The following FLNB variants were observed in gnomAD, a reference collection of about 807,000 sequenced individuals.
FLNB encodes the protein filamin B.
Under a neutral mutation model 250.6 loss-of-function variants are expected in FLNB, and 111 were observed. The observed-to-expected ratio is 0.44, with a 90% confidence interval of 0.38 to 0.52. The LOEUF (loss-of-function observed/expected upper bound fraction) is 0.52, where lower values mean the gene tolerates loss of function less well. Among genes scored for constraint, FLNB ranks in the 20% least tolerant of loss-of-function variants. The pLI is 0.00. For missense variants in FLNB, 2,869 were observed against 3,447.8 expected (o/e 0.83, Z 4.20); for synonymous variants, 1,302 against 1,372.1 (o/e 0.95, Z 1.13).
rs1576744741 is a variant in FLNB at position 58,115,382 on chromosome 3, T to C, written c.2745+3064T>C. Among the ~76,000 whole-genome samples, 3 of 152,376 alleles carry C rather than the reference T, an allele frequency of 2.0e-5. No homozygotes were observed. In the East Asian group the frequency reaches 5.8e-4, roughly 29 times the overall value. On this transcript the variant is annotated intron_variant, in intron 18 of 45. Coordinates refer to ENST00000295956, the MANE Select transcript of FLNB (RefSeq NM_001457.4). Reference sequence around the variant, plus strand: ...ACATTTTGTGACTTCTGCTTTATTCTATGTCTATATGCCTTTTAGTGTTTT... The same window carrying C: ...ACATTTTGTGACTTCTGCTTTATTCCATGTCTATATGCCTTTTAGTGTTTT...
At chr3:58,086,093 T>A (rs1220216443) in intron 4 of FLNB, among the ~76,000 whole-genome samples, 1 of 152,020 alleles carries the variant, frequency 6.6e-6, no homozygotes, top group African/African-American at 2.4e-5. Context: ...CCTTCTGGGC[T>A]CAAGTGATTC....
intron 1 of FLNB, among the ~76,000 whole-genome samples, chr3:58,013,877 G>T (rs1576583790): frequency 6.6e-6 from 1 of 152,102 alleles, no homozygotes; most frequent in Non-Finnish European, 1.5e-5. Flanking sequence ...AACAAGTTGT[G>T]GGCCATGTAC....
At chr3:58,045,546 G>A (rs562421187) in intron 1 of FLNB, among the ~76,000 whole-genome samples, 1 of 152,306 alleles carries the variant, frequency 6.6e-6, no homozygotes, top group African/African-American at 2.4e-5. Context: ...TCTTCTTCCA[G>A]TGTGGCCCAG....
At chr3:58,111,222 T>A (rs932118750) in intron 16 of FLNB, among the ~76,000 whole-genome samples, 6 of 152,088 alleles carry the variant, frequency 3.9e-5, no homozygotes, top group African/African-American at 1.4e-4. Context: ...AGCAGGATCC[T>A]GAAAGAGAGA....
At chr3:58,111,009 A>G (rs1036478216) in intron 16 of FLNB, among the ~76,000 whole-genome samples, 1 of 152,224 alleles carries the variant, frequency 6.6e-6, no homozygotes, top group East Asian at 1.9e-4. Flanking sequence ...AAAGTGAGGC[A>G]GTGTGTTCAG....
At chr3:58,136,719 C>CACA (rs998983247) in intron 28 of FLNB, among the ~76,000 whole-genome samples, 11 of 144,374 alleles carry the variant, frequency 7.6e-5, no homozygotes, top group South Asian at 4.6e-4. Flanking sequence ...GTTTCTAAGA[C>CACA]ACAACTATTG....
chr3:58,101,806 A>G (rs1249380128), intron 8 of FLNB, among the ~76,000 whole-genome samples: 3 of 152,248 alleles, frequency 2.0e-5, no homozygotes, highest in Non-Finnish European at 1.5e-5. Context: ...GCATTTTCCA[A>G]GAAGACTTGA....
At chr3:58,122,458 A>C (rs978841291) in intron 20 of FLNB, among the ~76,000 whole-genome samples, 2 of 150,566 alleles carry the variant, frequency 1.3e-5, no homozygotes, top group Admixed American at 6.7e-5. Context: ...GTGCCACTGC[A>C]CTCCAGCCTG....
rs1467700421 is a variant in FLNB at position 58,153,473 on chromosome 3, C to T, written c.6466C>T (p.Arg2156Trp). Residue 2156 changes from arginine to tryptophan, a missense_variant, in exon 39 of 46, where the codon CGG (arginine) becomes TGG (tryptophan). Coordinates refer to ENST00000295956, the MANE Select transcript of FLNB (RefSeq NM_001457.4). ...VPMGKNSHCV[R>W]FVPQEMGVHT... ...CATGGGGAAGAACTCACACTGCGTCCGGTTTGTGCCCCAGGAGATGGGCGT... is the reference window on the plus strand; with the variant it reads ...CATGGGGAAGAACTCACACTGCGTCTGGTTTGTGCCCCAGGAGATGGGCGT... 1.1e-5 allele frequency: 18 copies of T among 1,614,134 alleles called. No individual in the cohort carries two copies. Among genetic ancestry groups the T allele is most frequent in the Admixed American group, 3.3e-5 (2 of 60,016 alleles).
chr3:58,099,994 G>C (rs183772924), intron 8 of FLNB, among the ~76,000 whole-genome samples: 1 of 152,020 alleles, frequency 6.6e-6, no homozygotes, highest in Non-Finnish European at 1.5e-5. Flanking sequence ...CTCTTTTGAT[G>C]TTGAGACTGT....
intron 35 of FLNB, 21 bp downstream of exon 35, chr3:58,148,385 T>G: frequency 6.2e-7 from 1 of 1,610,316 alleles, no homozygotes; most frequent in Non-Finnish European, 8.5e-7. Context: ...CTACCCTTCC[T>G]GGCTGGAGCC....
Position 58,138,838 on chromosome 3 carries a change from AATGTTTCTACATAAAAC to A in FLNB, c.5109+313_5109+329del, listed in dbSNP as rs1311736194. Among the ~76,000 whole-genome samples the A allele has an allele frequency of 9.2e-5, 14 of 152,246 alleles. No individual in the cohort carries two copies. In the East Asian group the frequency reaches 2.7e-3, roughly 29 times the overall value. On this transcript the variant is annotated intron_variant, in intron 29 of 45. Transcript: ENST00000295956. The stretch of plus-strand genomic sequence containing the variant: ...CCTCAGAAAAACACACCTTTATGAA[AATGTTTCTACATAAAAC>A]ATGACAGGTTTTTAACCGGCCAGCT...
At chr3:58,037,034 T>C (rs839231) in intron 1 of FLNB, among the ~76,000 whole-genome samples, 30,430 of 150,206 alleles carry the variant, frequency 0.2, 6,690 homozygotes, top group African/African-American at 0.52. Flanking sequence ...TCTTTCCCAC[T>C]GGGCCCAGAC....
intron 18 of FLNB, among the ~76,000 whole-genome samples, chr3:58,118,133 G>A (rs1458117511): frequency 6.6e-6 from 1 of 152,234 alleles, no homozygotes; most frequent in Non-Finnish European, 1.5e-5. Flanking sequence ...GAGAGAAATG[G>A]CGCACACATG....
chr3:58,050,300 T>G (rs1008042686), intron 1 of FLNB, among the ~76,000 whole-genome samples: 4 of 152,174 alleles, frequency 2.6e-5, no homozygotes, highest in Non-Finnish European at 5.9e-5. Flanking sequence ...AGTGCTGGGA[T>G]TACAGGCGTG....
intron 1 of FLNB, among the ~76,000 whole-genome samples, chr3:58,069,374 G>C (rs2097190873): frequency 6.6e-6 from 1 of 151,690 alleles, no homozygotes; most frequent in South Asian, 2.1e-4. Flanking sequence ...CAAGTAGCTG[G>C]GATTACAAGG....
intron 1 of FLNB, among the ~76,000 whole-genome samples, chr3:58,022,822 C>CTT (rs745616817): frequency 1.4e-5 from 2 of 144,748 alleles, no homozygotes; most frequent in African/African-American, 2.5e-5. Flanking sequence ...AAATTTGCTT[C>CTT]TTTTTTTTTT....
chr3:58,099,477 G>A (rs1277365134), intron 8 of FLNB, among the ~76,000 whole-genome samples: 2 of 152,192 alleles, frequency 1.3e-5, no homozygotes, highest in African/African-American at 2.4e-5. Context: ...TCCCTCTGGC[G>A]CTGGGGGTAC....
intron 32 of FLNB, 128 bp downstream of exon 32, chr3:58,143,741 C>A: frequency 9.1e-7 from 1 of 1,102,644 alleles, no homozygotes; most frequent in Non-Finnish European, 1.3e-6. Context: ...GCGTTGGTAC[C>A]CCTGTGAAAC....
Sources: allele counts gnomAD v4.1 joint callset (sites outside exome capture counted in the v4.1 genomes callset), GRCh38; gene constraint gnomAD v4.1.1; transcripts MANE v1.5; gene names NCBI Gene and HGNC (gene_info 2026-07-23, HGNC 2026-07-21).